Variants in STAU2 observed in about 807,000 individuals in gnomAD.
STAU2 encodes the protein staufen double-stranded RNA binding protein 2, also known as double-stranded RNA-binding protein Staufen homolog 2.
A neutral mutation model predicts 65.9 loss-of-function variants in STAU2; 20 were observed. That is an observed-to-expected ratio of 0.30 (90% confidence interval 0.21 to 0.44). The LOEUF is 0.44. Among genes scored for constraint, STAU2 ranks in the 20% least tolerant of loss-of-function variants. STAU2 has a pLI of 1.00. For missense variants in STAU2, 558 were observed against 683.9 expected (o/e 0.82, Z 2.05); for synonymous variants, 232 against 233.9 (o/e 0.99, Z 0.07).
intron 13 of STAU2, among the ~76,000 whole-genome samples, chr8:73,447,938 C>T (rs1389615668): frequency 6.6e-6 from 1 of 152,228 alleles, no homozygotes; most frequent in African/African-American, 2.4e-5. Context: ...CCGGGACATT[C>T]CCATGAGTGC....
At chr8:73,423,824 C>T (rs576653195) in intron 13 of STAU2, among the ~76,000 whole-genome samples, 4 of 152,264 alleles carry the variant, frequency 2.6e-5, no homozygotes, top group Admixed American at 6.5e-5. Context: ...CCCCTAAATA[C>T]GGTTTCCCCA....
chr8:73,428,315 C>A lies in STAU2; in HGVS notation c.1531-5613G>T, dbSNP rs564105687. On this transcript the variant is annotated intron_variant, in intron 13 of 14. Transcript: ENST00000524300. ...GACATAATTTCTTCCTTTTTAAAAGCTGAACATATTCCATTGTGTCTATAT... is the reference window on the plus strand; with the variant it reads ...GACATAATTTCTTCCTTTTTAAAAGATGAACATATTCCATTGTGTCTATAT... Among the ~76,000 whole-genome samples the A allele has an allele frequency of 2.6e-4, 39 of 152,234 alleles. 1 individual carries two copies. The South Asian group carries it at 8.1e-3, about 32-fold the overall frequency.
rs1445187596 is a variant in STAU2, at chr8:73,507,689, T to C, written c.1530+44323A>G. Among the ~76,000 whole-genome samples the C allele has an allele frequency of 2.6e-5, 4 of 152,182 alleles. 1 individual carries two copies. The South Asian group carries it at 8.3e-4, about 31-fold the overall frequency. ...GAAGCTTTGAATTCAAGCATTGACT[T>C]CTCCTTTCTAGCTATGAAAATCCCA... On this transcript the variant is annotated intron_variant, in intron 13 of 14. Transcript: ENST00000524300.
In STAU2 at chr8:73,546,123, CTTTTT is replaced by C. The variant is rs71561528; in HGVS notation, c.1530+5884_1530+5888del. Reference sequence around the variant, plus strand: ...GCCTGGCTAATTTTTGTTTGGTTTTCTTTTTTTTTTTTTTTTTTTTTTTGGTAGAG... The same window carrying C: ...GCCTGGCTAATTTTTGTTTGGTTTTCTTTTTTTTTTTTTTTTTTGGTAGAG... On this transcript the variant is annotated intron_variant, in intron 13 of 14. Transcript: ENST00000524300. Among the ~76,000 whole-genome samples the C allele has an allele frequency of 3.0e-3, 282 of 93,312 alleles. 2 individuals carry two copies. Among genetic ancestry groups the C allele is most frequent in the African/African-American group, 9.5e-3 (229 of 23,982 alleles). The allele number at this position is 93,312 out of a possible 152,430, so 61.2% of individuals were successfully genotyped here.
intron 13 of STAU2, among the ~76,000 whole-genome samples, chr8:73,500,762 A>G (rs904322605): frequency 6.6e-6 from 1 of 151,918 alleles, no homozygotes; most frequent in African/African-American, 2.4e-5. Flanking sequence ...TATATGATCA[A>G]TGTCTCCTGT....
rs192578903 is a variant in STAU2, at chr8:73,565,967, T to C, written c.1223-13648A>G. On this transcript the variant is annotated intron_variant, in intron 12 of 14. Coordinates refer to ENST00000524300, the MANE Select transcript of STAU2 (RefSeq NM_001164380.2). ...TTACTGGATTTAATTTTTTTAGTGGTAAAGCAAAAAAAAGAAGTCTAATGT... is the reference window on the plus strand; with the variant it reads ...TTACTGGATTTAATTTTTTTAGTGGCAAAGCAAAAAAAAGAAGTCTAATGT... Among the ~76,000 whole-genome samples, 65 of 152,134 alleles carry C rather than the reference T, an allele frequency of 4.3e-4. No homozygotes were observed. In the East Asian group the frequency reaches 7.0e-3, roughly 16 times the overall value.
intron 6 of STAU2, among the ~76,000 whole-genome samples, chr8:73,637,518 A>C (rs1423302558): frequency 3.5e-5 from 5 of 140,856 alleles, no homozygotes; most frequent in Non-Finnish European, 7.7e-5. Context: ...AAAGAAAAAA[A>C]AGAAAAACTG....
chr8:73,452,412 C>T (rs1818848767), intron 13 of STAU2, among the ~76,000 whole-genome samples: 2 of 152,344 alleles, frequency 1.3e-5, no homozygotes, highest in African/African-American at 4.8e-5. Context: ...TCCTCCTTGG[C>T]TGAGACCTTT....
chr8:73,426,601 C>T (rs1039824085), intron 13 of STAU2, among the ~76,000 whole-genome samples: 4 of 152,166 alleles, frequency 2.6e-5, no homozygotes, highest in East Asian at 1.9e-4. Context: ...ACTTCACATT[C>T]GCCCAGTTTC....
chr8:73,654,715 TTCGC>T (rs1193942902), intron 6 of STAU2, among the ~76,000 whole-genome samples: 1 of 136,880 alleles, frequency 7.3e-6, no homozygotes, highest in Non-Finnish European at 1.6e-5. Flanking sequence ...GAGACGGAGT[TTCGC>T]TCTGTCGCCC....
chr8:73,595,348 A>G, intron 10 of STAU2, 51 bp from the exon 11 acceptor site: 2 of 1,497,724 alleles, frequency 1.3e-6, no homozygotes, highest in Non-Finnish European at 1.8e-6. Context: ...GATAAATTTA[A>G]ACAGGAAGTC....
At chr8:73,457,130 G>A (rs114755724) in intron 13 of STAU2, among the ~76,000 whole-genome samples, 1 of 152,144 alleles carries the variant, frequency 6.6e-6, no homozygotes. Flanking sequence ...GGCACTGAAA[G>A]GGATAGAAAC....
chr8:73,563,543 A>C (rs1808386517), intron 12 of STAU2, among the ~76,000 whole-genome samples: 1 of 152,210 alleles, frequency 6.6e-6, no homozygotes, highest in South Asian at 2.1e-4. Context: ...TTAATACCTT[A>C]GTTGTGATAT....
At chr8:73,628,819 G>C (rs780637107) in intron 6 of STAU2, among the ~76,000 whole-genome samples, 1 of 152,076 alleles carries the variant, frequency 6.6e-6, no homozygotes, top group African/African-American at 2.4e-5. Context: ...GGATGATTAC[G>C]TTTGCACTAA....
chr8:73,734,514 G>C (rs757939189), intron 3 of STAU2, among the ~76,000 whole-genome samples: 58 of 152,092 alleles, frequency 3.8e-4, no homozygotes, highest in Non-Finnish European at 2.4e-4. Flanking sequence ...AAACCATGTA[G>C]GCCGGGCACG....
At chr8:73,647,807 TG>T (rs1339352287) in intron 6 of STAU2, among the ~76,000 whole-genome samples, 2 of 152,152 alleles carry the variant, frequency 1.3e-5, no homozygotes, top group Non-Finnish European at 2.9e-5. Flanking sequence ...CTCACACTCC[TG>T]GTCTCAAGCT....
intron 5 of STAU2, among the ~76,000 whole-genome samples, chr8:73,687,334 T>TA (rs1395438100): frequency 4.7e-4 from 46 of 98,450 alleles, no homozygotes; most frequent in South Asian, 1.5e-3. Flanking sequence ...TTTATAAATA[T>TA]AATTTATATT....
chr8:73,526,563 A>G (rs558866946), intron 13 of STAU2, among the ~76,000 whole-genome samples: 2 of 152,314 alleles, frequency 1.3e-5, no homozygotes, highest in South Asian at 4.1e-4. Context: ...GACTATTAGA[A>G]GTCCTCAAAT....
chr8:73,664,842 A>G (rs1006391850), intron 6 of STAU2, among the ~76,000 whole-genome samples: 4 of 152,050 alleles, frequency 2.6e-5, no homozygotes, highest in Admixed American at 1.3e-4. Flanking sequence ...AATGCAAAAA[A>G]TTAGCCAGGT....
Sources: gnomAD v4.1 joint callset for allele counts (sites outside exome capture counted in the v4.1 genomes callset) on GRCh38, gnomAD v4.1.1 for gene constraint, MANE v1.5 for transcripts, NCBI Gene and HGNC (gene_info 2026-07-23, HGNC 2026-07-21) for gene names.